The following NDST4 variants were observed in gnomAD, a reference collection of about 807,000 sequenced individuals.
NDST4 encodes N-heparan sulfate sulfotransferase 4.
A neutral mutation model predicts 100.8 loss-of-function variants in NDST4; 63 were observed. The ratio of observed to expected loss-of-function variants is 0.62; its 90% CI spans 0.51 to 0.77. NDST4 has a LOEUF of 0.77. Among genes scored for constraint, NDST4 ranks in the 30% least tolerant of loss-of-function variants. The pLI, the probability that NDST4 is intolerant of heterozygous loss-of-function variation, is 0.00. For synonymous variants in NDST4, 377 were observed against 361.8 expected (o/e 1.04, Z -0.48); for missense variants, 943 against 1,018.4 (o/e 0.93, Z 1.01).
intron 10 of NDST4, among the ~76,000 whole-genome samples, chr4:114,844,376 G>A (rs1223059323): frequency 1.3e-5 from 2 of 152,238 alleles, no homozygotes; most frequent in Non-Finnish European, 2.9e-5. Flanking sequence ...TCTAGCCCTA[G>A]TGTGCCTCTC....
chr4:115,022,043 A>G (rs978606783), intron 2 of NDST4, among the ~76,000 whole-genome samples: 6 of 151,740 alleles, frequency 4.0e-5, no homozygotes, highest in Admixed American at 3.9e-4. Flanking sequence ...TCTATGTTCC[A>G]TATCTCTATG....
chr4:114,871,905 A>G (rs1175522495), intron 6 of NDST4, among the ~76,000 whole-genome samples: 1 of 152,032 alleles, frequency 6.6e-6, no homozygotes, highest in Non-Finnish European at 1.5e-5. Context: ...TAACTTTATT[A>G]GAAATGTAAG....
At chr4:115,108,786 T>C (rs1025877485) in intron 1 of NDST4, among the ~76,000 whole-genome samples, 3 of 151,974 alleles carry the variant, frequency 2.0e-5, no homozygotes, top group Non-Finnish European at 2.9e-5. Context: ...TGATTGCTTA[T>C]TGCAACTTAA....
intron 10 of NDST4, among the ~76,000 whole-genome samples, chr4:114,840,655 A>C (rs1291605928): frequency 6.6e-6 from 1 of 152,182 alleles, no homozygotes; most frequent in Non-Finnish European, 1.5e-5. Context: ...TTCGTCATCT[A>C]AGGTAAGTTT....
intron 6 of NDST4, among the ~76,000 whole-genome samples, chr4:114,918,477 G>T (rs920709649): frequency 1.3e-5 from 2 of 151,070 alleles, no homozygotes; most frequent in Non-Finnish European, 2.9e-5. Context: ...CACCAGCATG[G>T]CACATGTATA....
chr4:114,978,967 A>G (rs1236130301), intron 2 of NDST4, among the ~76,000 whole-genome samples: 1 of 152,148 alleles, frequency 6.6e-6, no homozygotes, highest in South Asian at 2.1e-4. Flanking sequence ...GGCAAGTAGC[A>G]TGAGCTCAAT....
At chr4:115,003,410 A>G (rs1727340895) in intron 2 of NDST4, among the ~76,000 whole-genome samples, 1 of 152,136 alleles carries the variant, frequency 6.6e-6, no homozygotes, top group East Asian at 1.9e-4. Flanking sequence ...GCATGATTAC[A>G]AGGTCATCTC....
chr4:115,020,128 A>G (rs1727777739), intron 2 of NDST4, among the ~76,000 whole-genome samples: 1 of 152,128 alleles, frequency 6.6e-6, no homozygotes, highest in Non-Finnish European at 1.5e-5. Context: ...TTAATGCAGC[A>G]TTAAGTGCAA....
chr4:114,924,901 T>C (rs76100943), intron 6 of NDST4, among the ~76,000 whole-genome samples: 1 of 152,276 alleles, frequency 6.6e-6, no homozygotes, highest in East Asian at 1.9e-4. Context: ...CCCAATTACA[T>C]TGACTTAATC....
chr4:114,950,339 C>T (rs1246375941), intron 4 of NDST4, among the ~76,000 whole-genome samples: 1 of 151,998 alleles, frequency 6.6e-6, no homozygotes, highest in Non-Finnish European at 1.5e-5. Context: ...TTTCATATTT[C>T]TAAGGGTATA....
At chr4:115,038,418 A>G (rs1728278704) in intron 2 of NDST4, among the ~76,000 whole-genome samples, 1 of 152,138 alleles carries the variant, frequency 6.6e-6, no homozygotes, top group Non-Finnish European at 1.5e-5. Flanking sequence ...CAAAGACAGT[A>G]GGAAGACTAA....
intron 2 of NDST4, among the ~76,000 whole-genome samples, chr4:115,061,632 G>A (rs1456393403): frequency 4.6e-5 from 7 of 151,880 alleles, no homozygotes; most frequent in Non-Finnish European, 8.8e-5. Flanking sequence ...GGGGGTGAGG[G>A]GCAAGGGGAG....
chr4:114,929,890 AG>A (rs1725476908), intron 6 of NDST4, among the ~76,000 whole-genome samples: 1 of 152,232 alleles, frequency 6.6e-6, no homozygotes, highest in Non-Finnish European at 1.5e-5. Context: ...AATAAGCACC[AG>A]TAACAATCAC....
chr4:114,934,342 G>C (rs1010647568), intron 6 of NDST4, among the ~76,000 whole-genome samples: 1 of 152,026 alleles, frequency 6.6e-6, no homozygotes, highest in Non-Finnish European at 1.5e-5. Context: ...ACGAGGTCAG[G>C]AGATCGAGAC....
At chr4:114,871,785 CATG>C (rs1403902860) in intron 6 of NDST4, among the ~76,000 whole-genome samples, 13 of 151,930 alleles carry the variant, frequency 8.6e-5, no homozygotes, top group Admixed American at 2.0e-4. Flanking sequence ...TTCTCAATTT[CATG>C]ATATTTTCAA....
intron 2 of NDST4, among the ~76,000 whole-genome samples, chr4:115,044,610 C>A (rs1177906824): frequency 6.6e-6 from 1 of 151,520 alleles, no homozygotes; most frequent in African/African-American, 2.4e-5. Context: ...GTGAAAAACA[C>A]TCCTATGTAT....
chr4:114,828,071 CA>C (rs1358793303), intron 13 of NDST4, 136 bp from the exon 14 acceptor site: 1 of 796,582 alleles, frequency 1.3e-6, no homozygotes, highest in East Asian at 3.5e-5. Flanking sequence ...TATTTTTCCT[CA>C]AATATCAGTT....
intron 2 of NDST4, among the ~76,000 whole-genome samples, chr4:114,980,599 G>A (rs923868951): frequency 6.6e-5 from 10 of 152,014 alleles, no homozygotes; most frequent in East Asian, 1.9e-4. Context: ...CTGAGATTGC[G>A]CAATGGCACT....
chr4:114,875,275 T>C (rs933042666), intron 6 of NDST4, among the ~76,000 whole-genome samples: 2 of 152,170 alleles, frequency 1.3e-5, no homozygotes, highest in African/African-American at 4.8e-5. Flanking sequence ...CTCAACTTCA[T>C]TATAACCAAA....
Sources: allele counts gnomAD v4.1 joint callset (sites outside exome capture counted in the v4.1 genomes callset), GRCh38; gene constraint gnomAD v4.1.1; transcripts MANE v1.5; gene names NCBI Gene and HGNC (gene_info 2026-07-23, HGNC 2026-07-21).